The following ZFPM2 variants were observed in gnomAD, a reference collection of about 807,000 sequenced individuals.
ZFPM2 encodes zinc finger protein, FOG family member 2.
A neutral mutation model predicts 98.6 loss-of-function variants in ZFPM2; 20 were observed. That is an observed-to-expected ratio of 0.20 (90% CI 0.14 to 0.29). The LOEUF is 0.29. Among genes scored for constraint, ZFPM2 ranks in the 10% least tolerant of loss-of-function variants. The pLI, the probability that ZFPM2 is intolerant of heterozygous loss-of-function variation, is 1.00. For missense variants in ZFPM2, 1,310 were observed against 1,388.6 expected, an observed-to-expected ratio of 0.94 and a Z score of 0.90; for synonymous variants, 518 against 502.7, an observed-to-expected ratio of 1.03 and a Z score of -0.41.
Position 105,523,755 on chromosome 8 carries a change from T to C in ZFPM2, c.302-37608T>C, listed in dbSNP as rs116041523. Among the ~76,000 whole-genome samples, 608 of 152,316 alleles carry C rather than the reference T, an allele frequency of 4.0e-3. 5 individuals are homozygous for C. The highest frequency in any genetic ancestry group is 0.014 in the African/African-American group (584 of 41,568). On this transcript the variant is annotated intron_variant, in intron 3 of 7. Coordinates refer to ENST00000407775, the MANE Select transcript of ZFPM2 (RefSeq NM_012082.4). ...CCACAGGCATTTAGTTGCTTTGTTA[T>C]TTAGAAGAGATGATCAACAAATTGT... is the stretch of plus-strand genomic sequence containing the variant.
At chr8:105,481,467 G>A (rs148677397) in intron 3 of ZFPM2, among the ~76,000 whole-genome samples, 68 of 152,220 alleles carry the variant, frequency 4.5e-4, no homozygotes, top group African/African-American at 1.5e-3. Context: ...AAAGACGGGA[G>A]CTCTGCTTTC....
intron 5 of ZFPM2, among the ~76,000 whole-genome samples, chr8:105,782,935 A>G (rs1422504469): frequency 6.6e-6 from 1 of 152,084 alleles, no homozygotes; most frequent in Non-Finnish European, 1.5e-5. Context: ...TTTCACCTCT[A>G]TAGAGAGTCA....
intron 3 of ZFPM2, among the ~76,000 whole-genome samples, chr8:105,515,807 T>C (rs976545802): frequency 1.4e-4 from 22 of 151,964 alleles, no homozygotes; most frequent in African/African-American, 5.3e-4. Flanking sequence ...CTCTTCTCTC[T>C]AGGCAATTTT....
intron 5 of ZFPM2, among the ~76,000 whole-genome samples, chr8:105,721,429 A>G (rs1253807328): frequency 6.6e-6 from 1 of 151,964 alleles, no homozygotes; most frequent in African/African-American, 2.4e-5. Context: ...TTCCATATTT[A>G]TAATTCCACA....
intron 5 of ZFPM2, among the ~76,000 whole-genome samples, chr8:105,719,135 T>C (rs1811595793): frequency 6.6e-6 from 1 of 151,930 alleles, no homozygotes; most frequent in Non-Finnish European, 1.5e-5. Context: ...TGTGAAACAT[T>C]CTAACAACTA....
At position 105,680,412 on chromosome 8, in the gene ZFPM2, T is replaced by G. The variant is rs1188916163; in HGVS notation, c.532+46055T>G. Among the ~76,000 whole-genome samples, 3 of 152,224 alleles carry G rather than the reference T, an allele frequency of 2.0e-5. No homozygotes were observed. In the East Asian group the frequency reaches 5.8e-4, roughly 29 times the overall value. ...TGAACTGAGCTGCTCTCCGTTCCTTTGCTTTAAGTATCAGAAATAAATTAT... is the reference window on the plus strand; with the variant it reads ...TGAACTGAGCTGCTCTCCGTTCCTTGGCTTTAAGTATCAGAAATAAATTAT... On this transcript the variant is annotated intron_variant, in intron 5 of 7. Transcript: ENST00000407775.
At chr8:105,768,512 A>G (rs1329111459) in intron 5 of ZFPM2, among the ~76,000 whole-genome samples, 1 of 151,934 alleles carries the variant, frequency 6.6e-6, no homozygotes, top group Admixed American at 6.6e-5. Context: ...CCAAATGGAT[A>G]AAGATCCTTT....
At chr8:105,787,723 T>G (rs1813461076) in intron 5 of ZFPM2, 1 of 151,766 alleles carries the variant, frequency 6.6e-6, no homozygotes, top group Non-Finnish European at 1.5e-5. Flanking sequence ...AGCCTTCCAA[T>G]CTATACACAA....
chr8:105,499,422 C>T (rs1249915836), intron 3 of ZFPM2, among the ~76,000 whole-genome samples: 1 of 152,018 alleles, frequency 6.6e-6, no homozygotes, highest in Non-Finnish European at 1.5e-5. Flanking sequence ...CTAAGAATTT[C>T]CTTACTTTTC....
chr8:105,337,217 G>T (rs1026189679), intron 1 of ZFPM2, among the ~76,000 whole-genome samples: 1 of 151,760 alleles, frequency 6.6e-6, no homozygotes, highest in African/African-American at 2.4e-5. Flanking sequence ...ATTTGGCAGG[G>T]ACACCATGTT....
chr8:105,769,611 G>C (rs1812938655), intron 5 of ZFPM2, among the ~76,000 whole-genome samples: 2 of 151,970 alleles, frequency 1.3e-5, no homozygotes, highest in South Asian at 2.1e-4. Flanking sequence ...GGTTCTCCAA[G>C]ACCACAATCA....
Position 105,350,592 on chromosome 8 carries a change from G to A in ZFPM2, c.40+31611G>A, listed in dbSNP as rs112853303. Among the ~76,000 whole-genome samples, 866 of 152,246 alleles carry A rather than the reference G, an allele frequency of 5.7e-3. 4 individuals are homozygous for A. The highest frequency in any genetic ancestry group is 9.5e-3 in the Non-Finnish European group (645 of 68,006). On this transcript the variant is annotated intron_variant, in intron 1 of 7. Coordinates refer to ENST00000407775, the MANE Select transcript of ZFPM2 (RefSeq NM_012082.4). ...ATGCAAAGATGTCTTTCTTAGGATAGGGAGAGAGCAAAGCAGAAAACTTGG... is the reference window on the plus strand; with the variant it reads ...ATGCAAAGATGTCTTTCTTAGGATAAGGAGAGAGCAAAGCAGAAAACTTGG...
chr8:105,346,901 C>G (rs934640445), intron 1 of ZFPM2, among the ~76,000 whole-genome samples: 5 of 152,124 alleles, frequency 3.3e-5, no homozygotes, highest in African/African-American at 1.2e-4. Flanking sequence ...CACATTAGCA[C>G]TCAGTAAATG....
chr8:105,596,166 G>C (rs998265443), intron 4 of ZFPM2, among the ~76,000 whole-genome samples: 7 of 152,086 alleles, frequency 4.6e-5, no homozygotes, highest in African/African-American at 1.7e-4. Context: ...CAGGTTGTAA[G>C]TTGTGTGAAT....
chr8:105,426,445 C>A (rs1811913380), intron 2 of ZFPM2, among the ~76,000 whole-genome samples: 1 of 152,248 alleles, frequency 6.6e-6, no homozygotes, highest in East Asian at 1.9e-4. Flanking sequence ...CAGCCCCCAG[C>A]TTTGCTTGGC....
chr8:105,756,840 G>A lies in ZFPM2; in HGVS notation c.533-31878G>A, dbSNP rs1027947064. ...ATTCTGTTGTGCTCTGTTTGATCAA[G>A]TGCTAAACCCGTGTGATCAATAGAG... On this transcript the variant is annotated intron_variant, in intron 5 of 7. Coordinates refer to ENST00000407775, the MANE Select transcript of ZFPM2 (RefSeq NM_012082.4). Among the ~76,000 whole-genome samples the A allele has an allele frequency of 1.3e-5, 2 of 152,098 alleles. 1 individual carries two copies. The highest frequency in any genetic ancestry group is 2.9e-5 in the Non-Finnish European group (2 of 68,028).
chr8:105,670,294 A>G (rs1817567871), intron 5 of ZFPM2, among the ~76,000 whole-genome samples: 1 of 151,978 alleles, frequency 6.6e-6, no homozygotes, highest in African/African-American at 2.4e-5. Flanking sequence ...CACGAGATTG[A>G]GACCATCCTG....
Position 105,444,455 on chromosome 8 carries a change from A to G in ZFPM2, c.301+74A>G, listed in dbSNP as rs11990012. 0.24 allele frequency: 265,894 copies of G among 1,116,652 alleles called. 37,306 individuals carry two copies. The highest frequency in any genetic ancestry group is 0.56 in the African/African-American group (35,234 of 62,564). 69.2% of individuals were successfully genotyped at this position (1,116,652 alleles called of 1,614,324 possible). A position where few individuals can be genotyped will look rare whatever the true frequency, so the allele number is the denominator to read the frequency against. On this transcript the variant is annotated intron_variant, in intron 3 of 7. Transcript: ENST00000407775. ...ACACATTTTTCTTTTTTTCTTGAACATCAGTTAGCTTGCAAAAAATGTTTT... is the reference window on the plus strand; with the variant it reads ...ACACATTTTTCTTTTTTTCTTGAACGTCAGTTAGCTTGCAAAAAATGTTTT...
intron 1 of ZFPM2, among the ~76,000 whole-genome samples, chr8:105,395,873 C>T (rs893985557): frequency 3.3e-5 from 5 of 152,084 alleles, no homozygotes; most frequent in Non-Finnish European, 7.4e-5. Flanking sequence ...CAGGAATGTC[C>T]GCCTTCTACT....
Sources: allele counts gnomAD v4.1 joint callset (sites outside exome capture counted in the v4.1 genomes callset), GRCh38; gene constraint gnomAD v4.1.1; transcripts MANE v1.5; gene names NCBI Gene and HGNC (gene_info 2026-07-23, HGNC 2026-07-21).